The following ADCY1 variants were observed in gnomAD, a reference collection of about 807,000 sequenced individuals.
ADCY1 encodes adenylate cyclase 1.
Under a neutral mutation model 105.4 loss-of-function variants are expected in ADCY1, and 28 were observed. The observed-to-expected ratio is 0.27, with a 90% CI of 0.20 to 0.36. ADCY1 has a LOEUF of 0.36. ADCY1 is among the 10% of genes least tolerant of loss of function. ADCY1 has a pLI of 1.00. For missense variants in ADCY1, 977 were observed against 1,434.2 expected (o/e 0.68, Z 5.15); for synonymous variants, 655 against 623.8 (o/e 1.05, Z -0.75).
intron 3 of ADCY1, among the ~76,000 whole-genome samples, chr7:45,617,061 TCC>T (rs1793757795): frequency 6.6e-6 from 1 of 152,234 alleles, no homozygotes; most frequent in South Asian, 2.1e-4. Context: ...TTGCCCTGGG[TCC>T]CACACCGATT....
chr7:45,639,804 A>G (rs921586223), intron 4 of ADCY1, among the ~76,000 whole-genome samples: 2 of 152,088 alleles, frequency 1.3e-5, no homozygotes, highest in African/African-American at 4.8e-5. Flanking sequence ...GTGAGGTTAG[A>G]CAACCCCCAT....
At chr7:45,638,094 C>T (rs1794440503) in intron 4 of ADCY1, among the ~76,000 whole-genome samples, 1 of 152,076 alleles carries the variant, frequency 6.6e-6, no homozygotes, top group Non-Finnish European at 1.5e-5. Flanking sequence ...TGTTGAGCTT[C>T]TTGCATCTGT....
Position 45,657,931 on chromosome 7 carries a change from T to C in ADCY1, c.1307+46T>C, listed in dbSNP as rs752528198. 3.2e-6 allele frequency: 5 copies of C among 1,544,362 alleles called. No individual in the cohort carries two copies. The South Asian group carries it at 4.8e-5, about 15-fold the overall frequency. ...GGAGGGGAGGGAGGTGGGTGATGGC[T>C]GTGCACCCCTGGGCTAAATCCTTGC... is the stretch of plus-strand genomic sequence containing the variant. On this transcript the variant is annotated intron_variant, in intron 6 of 19. Transcript: ENST00000297323.
At chr7:45,659,005 G>A (rs1795018624) in intron 6 of ADCY1, among the ~76,000 whole-genome samples, 1 of 152,240 alleles carries the variant, frequency 6.6e-6, no homozygotes, top group African/African-American at 2.4e-5. Flanking sequence ...TGTAGATGGG[G>A]CAGCACAGGG....
At chr7:45,680,238 A>T (rs929411342) in intron 11 of ADCY1, 9 of 217,082 alleles carry the variant, frequency 4.1e-5, no homozygotes, top group South Asian at 1.6e-4. Context: ...TAGCAGCAGG[A>T]CAGAAGAGGG....
chr7:45,589,981 A>T (rs980965718), intron 1 of ADCY1, among the ~76,000 whole-genome samples: 2 of 152,096 alleles, frequency 1.3e-5, no homozygotes, highest in African/African-American at 4.8e-5. Context: ...GATTGTAGTT[A>T]ACAGAAATGG....
chr7:45,596,361 G>A (rs1257721313), intron 2 of ADCY1, among the ~76,000 whole-genome samples: 2 of 152,088 alleles, frequency 1.3e-5, no homozygotes, highest in Non-Finnish European at 2.9e-5. Context: ...GGGATATGGG[G>A]GGATGTGACC....
chr7:45,614,493 C>T (rs191081476), intron 3 of ADCY1, among the ~76,000 whole-genome samples: 21 of 152,176 alleles, frequency 1.4e-4, no homozygotes, highest in Middle Eastern at 3.4e-3. Flanking sequence ...TAAAGAACTC[C>T]GAGACTAATA....
chr7:45,599,338 C>T (rs1352116709), intron 2 of ADCY1, among the ~76,000 whole-genome samples: 2 of 151,780 alleles, frequency 1.3e-5, no homozygotes, highest in Admixed American at 6.6e-5. Flanking sequence ...CGTCTTGTTC[C>T]CCTGTGGCTG....
intron 2 of ADCY1, among the ~76,000 whole-genome samples, chr7:45,609,356 C>T (rs984440491): frequency 1.3e-5 from 2 of 152,184 alleles, no homozygotes; most frequent in Non-Finnish European, 2.9e-5. Flanking sequence ...GCGGAAGCAT[C>T]TCAGTGCTGG....
In ADCY1 at chr7:45,703,041, T is replaced by C. The variant is rs918848072; in HGVS notation, c.2455-335T>C. The stretch of plus-strand genomic sequence containing the variant: ...GAGCTGCCTGGGGGCTGGTGGAGCC[T>C]GTGGATGGGCACATGCCTGAGAAAG... On this transcript the variant is annotated intron_variant, in intron 14 of 19. Coordinates refer to ENST00000297323, the MANE Select transcript of ADCY1 (RefSeq NM_021116.4). The surrounding 1 kb of genome is among the most constrained non-coding windows in gnomAD (Gnocchi z 5.9). Among the ~76,000 whole-genome samples the C allele has an allele frequency of 7.2e-5, 11 of 152,300 alleles. No individual in the cohort carries two copies. The highest frequency in any genetic ancestry group is 3.4e-3 in the Middle Eastern group (1 of 294).
Position 45,686,596 on chromosome 7 carries a change from C to G in ADCY1, c.2377C>G (p.Leu793Val). ...CTACGAGCCGATTGTGGCCATCCTG[C>G]TCTTCTCCTGTGCGCTGGCCCTGCA... ...RSYEPIVAIL[L>V]FSCALALHAR... Residue 793 changes from leucine to valine, a missense_variant, in exon 14 of 20, where the codon CTC becomes GTC. Around this residue, in one of 7 missense-constraint regions of ADCY1, gnomAD observed 275 missense variants for 362.1 expected, o/e 0.76. Transcript: ENST00000297323. The surrounding 1 kb of genome is among the most constrained non-coding windows in gnomAD (Gnocchi z 4.3). 1 of 1,613,802 alleles carries G rather than the reference C, an allele frequency of 6.2e-7. No homozygotes were observed. The highest frequency in any genetic ancestry group is 8.5e-7 in the Non-Finnish European group (1 of 1,179,782).
intron 5 of ADCY1, among the ~76,000 whole-genome samples, chr7:45,656,644 G>C (rs996526097): frequency 6.6e-6 from 1 of 152,190 alleles, no homozygotes; most frequent in African/African-American, 2.4e-5. Context: ...GCTCCAGGAA[G>C]CAGGCCACAG....
intron 4 of ADCY1, among the ~76,000 whole-genome samples, chr7:45,629,563 C>A (rs1794173653): frequency 6.7e-6 from 1 of 148,628 alleles, no homozygotes; most frequent in Non-Finnish European, 1.5e-5. Context: ...CCAGGCCGGA[C>A]TGCGGACTGC....
intron 6 of ADCY1, 142 bp downstream of exon 6, chr7:45,658,027 G>T (rs968297080): frequency 1.0e-6 from 1 of 990,310 alleles, no homozygotes; most frequent in Non-Finnish European, 1.5e-6. Flanking sequence ...TGTCCCAGCC[G>T]CACCTGCCAA....
At chr7:45,606,449 T>TA (rs1003020748) in intron 2 of ADCY1, among the ~76,000 whole-genome samples, 1 of 152,242 alleles carries the variant, frequency 6.6e-6, no homozygotes, top group African/African-American at 2.4e-5. Flanking sequence ...GCTTTTGTTG[T>TA]GTTTTCCTTT....
At chr7:45,693,522 G>T (rs1025081163) in intron 14 of ADCY1, among the ~76,000 whole-genome samples, 4 of 147,014 alleles carry the variant, frequency 2.7e-5, no homozygotes, top group Admixed American at 2.1e-4. Flanking sequence ...GCCTGTTATT[G>T]GTCTATTCAG....
chr7:45,702,062 C>G (rs779220261), intron 14 of ADCY1, among the ~76,000 whole-genome samples: 1 of 152,256 alleles, frequency 6.6e-6, no homozygotes, highest in Non-Finnish European at 1.5e-5. Flanking sequence ...CACACACCCC[C>G]ATCCTCGTAC....
chr7:45,674,721 A>C (rs1463454934), intron 8 of ADCY1, among the ~76,000 whole-genome samples: 3 of 152,106 alleles, frequency 2.0e-5, no homozygotes, highest in Non-Finnish European at 4.4e-5. Context: ...TGAAATTTCT[A>C]TTGTTTTATG....
Sources: allele counts gnomAD v4.1 joint callset (sites outside exome capture counted in the v4.1 genomes callset), GRCh38; gene constraint gnomAD v4.1.1; regional missense constraint gnomAD v4.1.1; non-coding constraint Gnocchi (gnomAD v3.1); transcripts MANE v1.5; gene names NCBI Gene and HGNC (gene_info 2026-07-23, HGNC 2026-07-21).